Variants in KCNC1 observed in about 807,000 individuals in gnomAD.
KCNC1 encodes voltage-gated potassium channel KCNC1.
Under a neutral mutation model 43.4 loss-of-function variants are expected in KCNC1, and 8 were observed. The observed-to-expected ratio is 0.18, with a 90% confidence interval of 0.11 to 0.33. The LOEUF (loss-of-function observed/expected upper bound fraction) is 0.33. Ranked by LOEUF, KCNC1 falls within the 10% of genes least tolerant of loss-of-function variation. KCNC1 has a pLI of 1.00. For synonymous variants in KCNC1, 361 were observed against 360.5 expected (o/e 1.00, Z -0.01); for missense variants, 420 against 836.0 (o/e 0.50, Z 6.14).
At position 17,734,887 on chromosome 11, in the gene KCNC1, C is replaced by G. The variant is rs1848744487; in HGVS notation, c.-1116C>G. 6.7e-6 allele frequency: 1 copy of G among 150,134 alleles called. No individual in the cohort carries two copies. The highest frequency in any genetic ancestry group is 6.6e-5 in the Admixed American group (1 of 15,086). 9.3% of individuals were successfully genotyped at this position (150,134 alleles called of 1,614,324 possible). A position where few individuals can be genotyped will look rare whatever the true frequency, so the allele number is the denominator to read the frequency against. ...AGCGGCCGCTCCGCGCCTCGCCTCA[C>G]CGGCCTCGCTGGCCTCACCTCGCCG... On this transcript the variant is annotated 5_prime_UTR_variant, in exon 1 of 4. Transcript: ENST00000265969.
intron 2 of KCNC1, chr11:17,775,195 T>C: frequency 1.0e-6 from 1 of 985,632 alleles, no homozygotes; most frequent in Non-Finnish European, 1.2e-6. Flanking sequence ...GGCAGTCTAG[T>C]GGCCTCGCCA....
chr11:17,737,489 C>A (rs1206825369), intron 1 of KCNC1, among the ~76,000 whole-genome samples: 1 of 152,136 alleles, frequency 6.6e-6, no homozygotes, highest in Non-Finnish European at 1.5e-5. Flanking sequence ...TGCTGCTGAC[C>A]TTGGTCCCTC....
intron 1 of KCNC1, among the ~76,000 whole-genome samples, chr11:17,755,934 G>A (rs1381014816): frequency 6.6e-6 from 1 of 152,128 alleles, no homozygotes; most frequent in African/African-American, 2.4e-5. Context: ...GCTCCAGGGT[G>A]CCCCGATAGA....
chr11:17,763,947 ACACC>A, intron 1 of KCNC1, among the ~76,000 whole-genome samples: 1 of 110,596 alleles, frequency 9.0e-6, no homozygotes, highest in Non-Finnish European at 1.8e-5. Context: ...ACACACACAC[ACACC>A]CACACACAGC....
chr11:17,766,367 CTG>C (rs1222552919), intron 1 of KCNC1, among the ~76,000 whole-genome samples: 1 of 152,124 alleles, frequency 6.6e-6, no homozygotes, highest in East Asian at 1.9e-4. Flanking sequence ...CTCTGCGTCA[CTG>C]TGTGTGTTTG....
intron 1 of KCNC1, among the ~76,000 whole-genome samples, chr11:17,744,954 C>T (rs1375299444): frequency 1.3e-5 from 2 of 152,062 alleles, no homozygotes; most frequent in African/African-American, 2.4e-5. Context: ...GAGGGTACAT[C>T]GCTGCATTGG....
intron 1 of KCNC1, among the ~76,000 whole-genome samples, chr11:17,763,034 A>G (rs56681700): frequency 0.043 from 6,482 of 152,288 alleles, 314 homozygotes; most frequent in African/African-American, 0.12. Flanking sequence ...AAAGTACCAT[A>G]GGAACCCCTG....
chr11:17,737,221 A>G (rs1331899173), intron 1 of KCNC1, among the ~76,000 whole-genome samples: 1 of 152,010 alleles, frequency 6.6e-6, no homozygotes, highest in African/African-American at 2.4e-5. Flanking sequence ...GCTGTAAGGT[A>G]GGGGTGGTCC....
At chr11:17,737,443 G>A (rs1848780924) in intron 1 of KCNC1, among the ~76,000 whole-genome samples, 1 of 152,088 alleles carries the variant, frequency 6.6e-6, no homozygotes, top group South Asian at 2.1e-4. Context: ...CTCCCCTATA[G>A]CCATACCAGC....
chr11:17,735,810 ACCGGCAC>A lies in KCNC1; in HGVS notation c.-189_-183del, dbSNP rs568821744. The A allele has an allele frequency of 9.0e-4, 492 of 547,402 alleles. 4 individuals are homozygous for A. The highest frequency in any genetic ancestry group is 8.9e-3 in the African/African-American group (442 of 49,404). The allele number at this position is 547,402 out of a possible 1,614,324, so 33.9% of individuals were successfully genotyped here. On this transcript the variant is annotated 5_prime_UTR_variant, in exon 1 of 4. Transcript: ENST00000265969. The surrounding 1 kb of genome is among the most constrained non-coding windows in gnomAD (Gnocchi z 6.7). ...TGGGATCCCGCGCACATTCCCCTGG[ACCGGCAC>A]CCGACAAAGCGCCCGGAGAGGCTTG...
At chr11:17,774,872 C>A in intron 2 of KCNC1, 2 of 985,444 alleles carry the variant, frequency 2.0e-6, no homozygotes, top group African/African-American at 1.7e-5. Flanking sequence ...TCCTGACCCC[C>A]GAGGCTCCAG....
At position 17,735,891 on chromosome 11, in the gene KCNC1, G is replaced by C; in HGVS notation, c.-112G>C. ...GCCGCAGGCCTCTGTTCCCCCCGACGGCTGGGGGGAGGGGGGAAGAGGGCG... is the reference window on the plus strand; with the variant it reads ...GCCGCAGGCCTCTGTTCCCCCCGACCGCTGGGGGGAGGGGGGAAGAGGGCG... On this transcript the variant is annotated 5_prime_UTR_variant, in exon 1 of 4. Coordinates refer to ENST00000265969, the MANE Select transcript of KCNC1 (RefSeq NM_001112741.2). The surrounding 1 kb of genome is among the most constrained non-coding windows in gnomAD (Gnocchi z 6.7). The C allele has an allele frequency of 3.2e-6, 4 of 1,243,514 alleles. No homozygotes were observed. The highest frequency in any genetic ancestry group is 3.1e-6 in the Non-Finnish European group (3 of 953,400). 77.0% of individuals were successfully genotyped at this position (1,243,514 alleles called of 1,614,324 possible).
rs532330991 is a variant in KCNC1, at chr11:17,763,712, AC to A, written c.571-7948del. On this transcript the variant is annotated intron_variant, in intron 1 of 3. Coordinates refer to ENST00000265969, the MANE Select transcript of KCNC1 (RefSeq NM_001112741.2). ...CAAATACACACCCTCACCCACACAC[AC>A]CCCCACACACCTCCCCACACATGTT... Among the ~76,000 whole-genome samples the A allele has an allele frequency of 9.8e-3, 652 of 66,774 alleles. 10 individuals are homozygous for A. The highest frequency in any genetic ancestry group is 0.012 in the Non-Finnish European group (439 of 35,450). The allele number at this position is 66,774 out of a possible 152,430, so 43.8% of individuals were successfully genotyped here.
intron 1 of KCNC1, among the ~76,000 whole-genome samples, chr11:17,761,303 T>G (rs908035749): frequency 2.6e-5 from 4 of 152,268 alleles, no homozygotes; most frequent in African/African-American, 9.6e-5. Flanking sequence ...TCCCTTTAAC[T>G]ATTGCTCTGC....
chr11:17,742,826 C>G lies in KCNC1; in HGVS notation c.570+6254C>G, dbSNP rs1344268984. Among the ~76,000 whole-genome samples the G allele has an allele frequency of 6.6e-6, 1 of 152,218 alleles. No individual in the cohort carries two copies. The highest frequency in any genetic ancestry group is 1.5e-5 in the Non-Finnish European group (1 of 68,040). On this transcript the variant is annotated intron_variant, in intron 1 of 3. Coordinates refer to ENST00000265969, the MANE Select transcript of KCNC1 (RefSeq NM_001112741.2). This position sits in a 1 kb window ranked among gnomAD's most constrained non-coding sequence, Gnocchi z 4.2. ...GCCTCTGGTCCCAGGGCCTGACCAT[C>G]TGAATTTCTTTTGGCTCTCAGTTTT...
At chr11:17,766,884 C>A (rs1266362995) in intron 1 of KCNC1, among the ~76,000 whole-genome samples, 1 of 151,322 alleles carries the variant, frequency 6.6e-6, no homozygotes, top group Non-Finnish European at 1.5e-5. Context: ...ACTTGGGAGG[C>A]CGAGTCTGGC....
chr11:17,758,729 T>C (rs1357253644), intron 1 of KCNC1, among the ~76,000 whole-genome samples: 1 of 152,228 alleles, frequency 6.6e-6, no homozygotes, highest in Non-Finnish European at 1.5e-5. Context: ...AATCATTTTT[T>C]CTGAGCAGTA....
chr11:17,765,620 G>A lies in KCNC1; in HGVS notation c.571-6045G>A, dbSNP rs555510125. On this transcript the variant is annotated intron_variant, in intron 1 of 3. Coordinates refer to ENST00000265969, the MANE Select transcript of KCNC1 (RefSeq NM_001112741.2). The stretch of plus-strand genomic sequence containing the variant: ...GTGGGTCTCTCACGGTTTGTGATTT[G>A]GTTTGGGGGGAGAAAAAGGCCAGAA... Among the ~76,000 whole-genome samples the A allele has an allele frequency of 1.9e-4, 29 of 152,262 alleles. No homozygotes were observed. The South Asian group carries it at 5.8e-3, about 30-fold the overall frequency.
intron 1 of KCNC1, among the ~76,000 whole-genome samples, chr11:17,737,617 C>A (rs1179171744): frequency 6.6e-6 from 1 of 152,160 alleles, no homozygotes; most frequent in South Asian, 2.1e-4. Flanking sequence ...GAACTGGTAG[C>A]AGCCACCCAC....
Sources: allele counts gnomAD v4.1 joint callset (sites outside exome capture counted in the v4.1 genomes callset), GRCh38; gene constraint gnomAD v4.1.1; non-coding constraint Gnocchi (gnomAD v3.1); transcripts MANE v1.5; gene names NCBI Gene and HGNC (gene_info 2026-07-23, HGNC 2026-07-21).